Variants in UNC5C observed in about 807,000 individuals in gnomAD.
UNC5C encodes the protein netrin receptor UNC5C.
Under a neutral mutation model 99.8 loss-of-function variants are expected in UNC5C, and 47 were observed. That is an observed-to-expected ratio of 0.47 (90% CI 0.37 to 0.60). The LOEUF (loss-of-function observed/expected upper bound fraction) is 0.60. Among genes scored for constraint, UNC5C ranks in the 20% least tolerant of loss-of-function variants. UNC5C has a pLI of 0.00. For missense variants in UNC5C, 1,062 were observed against 1,165.9 expected, an observed-to-expected ratio of 0.91 and a Z score of 1.30; for synonymous variants, 487 against 452.2, an observed-to-expected ratio of 1.08 and a Z score of -0.98.
At chr4:95,516,393 T>C (rs1277795475) in intron 1 of UNC5C, among the ~76,000 whole-genome samples, 3 of 152,150 alleles carry the variant, frequency 2.0e-5, no homozygotes, top group Non-Finnish European at 4.4e-5. Context: ...CTCCATTTCT[T>C]CAACCAAAAT....
intron 1 of UNC5C, among the ~76,000 whole-genome samples, chr4:95,357,779 G>A (rs1416049511): frequency 6.6e-6 from 1 of 151,906 alleles, no homozygotes; most frequent in South Asian, 2.1e-4. Flanking sequence ...TGACAGAGCA[G>A]GGCCCTGTCT....
At chr4:95,426,085 G>A (rs1746475546) in intron 1 of UNC5C, among the ~76,000 whole-genome samples, 1 of 151,974 alleles carries the variant, frequency 6.6e-6, no homozygotes, top group South Asian at 2.1e-4. Context: ...ACAAATTGAA[G>A]GTTTCTGGCA....
chr4:95,546,207 G>C (rs1202475845), intron 1 of UNC5C, among the ~76,000 whole-genome samples: 3 of 152,164 alleles, frequency 2.0e-5, no homozygotes, highest in African/African-American at 4.8e-5. Context: ...GGATCTTTAA[G>C]TCATCACCAC....
At chr4:95,388,489 C>T (rs71601273) in intron 1 of UNC5C, among the ~76,000 whole-genome samples, 14,384 of 152,030 alleles carry the variant, frequency 0.095, 796 homozygotes, top group Admixed American at 0.15. Flanking sequence ...ATAAACAAAC[C>T]GGGGATGAGG....
Position 95,414,394 on chromosome 4 carries a change from C to T in UNC5C, c.125-78763G>A, listed in dbSNP as rs377169741. Among the ~76,000 whole-genome samples the T allele has an allele frequency of 4.6e-5, 7 of 152,294 alleles. No homozygotes were observed. In the East Asian group the frequency reaches 1.4e-3, roughly 29 times the overall value. On this transcript the variant is annotated intron_variant, in intron 1 of 15. Transcript: ENST00000453304. ...CTCCCGGGTGGCTTGCCAGTGTCCC[C>T]AGACACAAGCTGAGTAGGCCACTCG...
At chr4:95,464,783 G>A (rs1747722757) in intron 1 of UNC5C, among the ~76,000 whole-genome samples, 1 of 152,068 alleles carries the variant, frequency 6.6e-6, no homozygotes, top group South Asian at 2.1e-4. Flanking sequence ...TTCAACCTGA[G>A]GGTGTATTCC....
intron 1 of UNC5C, among the ~76,000 whole-genome samples, chr4:95,468,387 T>C (rs1467717938): frequency 2.0e-5 from 3 of 152,126 alleles, no homozygotes; most frequent in Non-Finnish European, 4.4e-5. Context: ...TTCTGTTAGT[T>C]TCTCTGGCAT....
At chr4:95,177,923 G>A (rs1736438838) in intron 14 of UNC5C, among the ~76,000 whole-genome samples, 1 of 150,680 alleles carries the variant, frequency 6.6e-6, no homozygotes, top group South Asian at 2.1e-4. Flanking sequence ...GTCCAGATTG[G>A]TCTCAAACTC....
At chr4:95,283,358 T>C (rs1056910649) in intron 3 of UNC5C, among the ~76,000 whole-genome samples, 5 of 152,224 alleles carry the variant, frequency 3.3e-5, no homozygotes, top group Admixed American at 6.5e-5. Context: ...ATTTCTAGAA[T>C]GATCTCACAT....
At chr4:95,485,817 TA>T (rs1364956378) in intron 1 of UNC5C, among the ~76,000 whole-genome samples, 4 of 151,718 alleles carry the variant, frequency 2.6e-5, no homozygotes. Context: ...TTCTATAAAC[TA>T]CATTTATGCT....
At chr4:95,258,504 T>G (rs1256724104) in intron 4 of UNC5C, among the ~76,000 whole-genome samples, 1 of 152,148 alleles carries the variant, frequency 6.6e-6, no homozygotes, top group Non-Finnish European at 1.5e-5. Context: ...CATGACTTGT[T>G]GTCATGGTTG....
At chr4:95,205,607 G>T (rs1737847245) in intron 11 of UNC5C, among the ~76,000 whole-genome samples, 1 of 151,990 alleles carries the variant, frequency 6.6e-6, no homozygotes, top group African/African-American at 2.4e-5. Context: ...TAATCACAAA[G>T]CATATAATAT....
intron 1 of UNC5C, among the ~76,000 whole-genome samples, chr4:95,522,644 C>T (rs1722389935): frequency 6.6e-6 from 1 of 152,198 alleles, no homozygotes. Flanking sequence ...AGTTGAGAGT[C>T]AACCTCTAAA....
chr4:95,328,111 T>A (rs1288384407), intron 2 of UNC5C, among the ~76,000 whole-genome samples: 4 of 120,952 alleles, frequency 3.3e-5, no homozygotes, highest in African/African-American at 5.8e-5. Flanking sequence ...CATGTGCACA[T>A]TGTGCAGGTT....
At chr4:95,171,874 G>A (rs1156832328) in intron 14 of UNC5C, among the ~76,000 whole-genome samples, 8 of 151,920 alleles carry the variant, frequency 5.3e-5, no homozygotes, top group Non-Finnish European at 8.8e-5. Context: ...AAGTGTTCCT[G>A]TTTCTCCACA....
intron 1 of UNC5C, among the ~76,000 whole-genome samples, chr4:95,492,365 T>A (rs989474658): frequency 6.6e-6 from 1 of 151,398 alleles, no homozygotes; most frequent in East Asian, 1.9e-4. Flanking sequence ...TCGTATCAAT[T>A]TTTGAATATG....
chr4:95,452,398 G>A (rs539625910), intron 1 of UNC5C, among the ~76,000 whole-genome samples: 1 of 152,120 alleles, frequency 6.6e-6, no homozygotes, highest in South Asian at 2.1e-4. Flanking sequence ...GTCCAGAGGT[G>A]ATAATGGACT....
At chr4:95,252,839 C>T (rs375651125) in intron 4 of UNC5C, among the ~76,000 whole-genome samples, 3 of 152,226 alleles carry the variant, frequency 2.0e-5, no homozygotes, top group Non-Finnish European at 2.9e-5. Flanking sequence ...AGATTGTCCA[C>T]ATGAGTGACT....
chr4:95,176,943 G>GGTGTGCCGTT (rs70946595), intron 14 of UNC5C, among the ~76,000 whole-genome samples: 69,519 of 151,640 alleles, frequency 0.46, 17,419 homozygotes, highest in Admixed American at 0.59. Context: ...ATAATCTCCT[G>GGTGTGCCGTT]GTGTGCCGTT....
Sources: allele counts gnomAD v4.1 joint callset (sites outside exome capture counted in the v4.1 genomes callset), GRCh38; gene constraint gnomAD v4.1.1; transcripts MANE v1.5; gene names NCBI Gene and HGNC (gene_info 2026-07-23, HGNC 2026-07-21).